The following DMRT1 variants were observed in gnomAD, a reference collection of about 807,000 sequenced individuals.
DMRT1 encodes doublesex- and mab-3-related transcription factor 1.
Under a neutral mutation model 32.3 loss-of-function variants are expected in DMRT1, and 7 were observed. The ratio of observed to expected loss-of-function variants is 0.22; its 90% CI spans 0.12 to 0.41. The LOEUF is 0.41. DMRT1 is among the 10% of genes least tolerant of loss of function. The pLI is 1.00. For synonymous variants in DMRT1, 278 were observed against 206.1 expected (o/e 1.35, Z -2.99); for missense variants, 625 against 500.5 (o/e 1.25, Z -2.37).
intron 2 of DMRT1, among the ~76,000 whole-genome samples, chr9:877,115 G>C (rs902086181): frequency 1.3e-5 from 2 of 152,202 alleles, no homozygotes; most frequent in African/African-American, 2.4e-5. Context: ...TCTGTGAAAG[G>C]CTATTGGATT....
intron 2 of DMRT1, among the ~76,000 whole-genome samples, chr9:879,166 A>G (rs1238880592): frequency 6.6e-6 from 1 of 152,222 alleles, no homozygotes; most frequent in Non-Finnish European, 1.5e-5. Flanking sequence ...AGGGGCTGTT[A>G]AGATGGAAGT....
At chr9:881,389 C>T (rs971774802) in intron 2 of DMRT1, among the ~76,000 whole-genome samples, 2 of 152,200 alleles carry the variant, frequency 1.3e-5, no homozygotes, top group Admixed American at 6.5e-5. Context: ...TAGAGGTCCA[C>T]TTACTCCTTC....
intron 4 of DMRT1, among the ~76,000 whole-genome samples, chr9:955,598 G>A (rs1351319455): frequency 2.0e-5 from 3 of 152,112 alleles, no homozygotes; most frequent in Admixed American, 1.3e-4. Context: ...CTCAGCTACT[G>A]GGGAGGCTGA....
intron 4 of DMRT1, among the ~76,000 whole-genome samples, chr9:924,072 T>C (rs972359944): frequency 1.1e-4 from 7 of 63,676 alleles, no homozygotes; most frequent in Non-Finnish European, 1.7e-4. Context: ...ATCAATCTCT[T>C]TTTTTTTTTT....
At chr9:949,018 G>A (rs1004208783) in intron 4 of DMRT1, among the ~76,000 whole-genome samples, 2 of 151,682 alleles carry the variant, frequency 1.3e-5, no homozygotes, top group Non-Finnish European at 2.9e-5. Context: ...ACTTGAATCC[G>A]GGAGGCAGAG....
intron 2 of DMRT1, among the ~76,000 whole-genome samples, chr9:886,813 T>C (rs2132639851): frequency 6.6e-6 from 1 of 152,296 alleles, no homozygotes; most frequent in East Asian, 1.9e-4. Context: ...GACACCCCAG[T>C]GTTGAAGCAA....
chr9:907,822 AAT>A (rs777107791), intron 3 of DMRT1, among the ~76,000 whole-genome samples: 15 of 82,554 alleles, frequency 1.8e-4, no homozygotes, highest in Non-Finnish European at 2.5e-4. Flanking sequence ...AGTTCTCTAA[AAT>A]ATATATGTGT....
rs768782300 is a variant in DMRT1, at chr9:841,950, C to G, written c.112C>G (p.Leu38Val). 4 of 1,598,866 alleles carry G rather than the reference C, an allele frequency of 2.5e-6. No homozygotes were observed. In the East Asian group the frequency reaches 9.0e-5, roughly 36 times the overall value. The change falls in exon 1 of 5, where the codon CTA becomes GTA. Residue 38 changes from leucine (L) to valine (V), a missense_variant. By Grantham distance (32) the Leu-to-Val change is conservative. Around this residue, in one of 3 missense-constraint regions of DMRT1, gnomAD observed 201 missense variants for 152.0 expected, o/e 1.32. Coordinates refer to ENST00000382276, the MANE Select transcript of DMRT1 (RefSeq NM_021951.3). The stretch of plus-strand genomic sequence containing the variant: ...GGGCTTTGGCAAAGCGTCTGGGGCG[C>G]TAGTGGGGGCGGCCAGCGGCTCGAG... ...AGGFGKASGA[L>V]VGAASGSSAG...
At chr9:939,968 C>T (rs1271130461) in intron 4 of DMRT1, among the ~76,000 whole-genome samples, 2 of 152,074 alleles carry the variant, frequency 1.3e-5, no homozygotes, top group Non-Finnish European at 2.9e-5. Context: ...AAATGCTCAA[C>T]ATCATTAGCC....
At chr9:860,699 T>A (rs1468969228) in intron 2 of DMRT1, among the ~76,000 whole-genome samples, 2 of 152,208 alleles carry the variant, frequency 1.3e-5, no homozygotes, top group African/African-American at 4.8e-5. Context: ...ATATGATGGA[T>A]GTGACCAAGG....
chr9:897,569 G>A (rs1197507604), intron 3 of DMRT1, among the ~76,000 whole-genome samples: 1 of 150,602 alleles, frequency 6.6e-6, no homozygotes, highest in Non-Finnish European at 1.5e-5. Flanking sequence ...TCCAGCCTGG[G>A]TAACAGAGCA....
chr9:872,829 A>T (rs1322371969), intron 2 of DMRT1, among the ~76,000 whole-genome samples: 2 of 152,208 alleles, frequency 1.3e-5, no homozygotes, highest in African/African-American at 2.4e-5. Context: ...TCTGTGTTTA[A>T]CATTTTGGGG....
In DMRT1 at chr9:869,864, A is replaced by T. The variant is rs368586704; in HGVS notation, c.538+22721A>T. On this transcript the variant is annotated intron_variant, in intron 2 of 4. Transcript: ENST00000382276. ...TAATGCAAGTCTGCATTGTGTCTCTATTTTGGCTTGTAATAAAGTCCTGTG... is the reference window on the plus strand; with the variant it reads ...TAATGCAAGTCTGCATTGTGTCTCTTTTTTGGCTTGTAATAAAGTCCTGTG... 8.6e-5 allele frequency among the ~76,000 whole-genome samples: 13 copies of T among 152,042 alleles called. 2 individuals are homozygous for T. Among genetic ancestry groups the T allele is most frequent in the Admixed American group, 5.9e-4 (9 of 15,262 alleles).
chr9:873,568 C>A (rs1353637727), intron 2 of DMRT1, among the ~76,000 whole-genome samples: 1 of 152,124 alleles, frequency 6.6e-6, no homozygotes, highest in Admixed American at 6.5e-5. Flanking sequence ...ATCCACCCGC[C>A]TTGGCCTCCC....
At chr9:948,091 T>A (rs1330456882) in intron 4 of DMRT1, among the ~76,000 whole-genome samples, 1 of 152,182 alleles carries the variant, frequency 6.6e-6, no homozygotes, top group Non-Finnish European at 1.5e-5. Flanking sequence ...ACTTATCTAC[T>A]CTGAAAACAC....
At chr9:964,027 G>A (rs898934220) in intron 4 of DMRT1, among the ~76,000 whole-genome samples, 3 of 152,174 alleles carry the variant, frequency 2.0e-5, no homozygotes, top group African/African-American at 7.2e-5. Flanking sequence ...GAGTTTAATA[G>A]TGTTTAACAT....
chr9:881,507 C>T (rs1310904579), intron 2 of DMRT1, among the ~76,000 whole-genome samples: 3 of 152,124 alleles, frequency 2.0e-5, no homozygotes, highest in African/African-American at 7.2e-5. Context: ...ATGGAGCTGA[C>T]CATGAGCAAA....
intron 2 of DMRT1, among the ~76,000 whole-genome samples, chr9:864,845 G>A (rs553845825): frequency 6.9e-6 from 1 of 144,980 alleles, no homozygotes; most frequent in African/African-American, 2.6e-5. Flanking sequence ...TTTTAGCTAT[G>A]AGTAGGTCTC....
intron 4 of DMRT1, among the ~76,000 whole-genome samples, chr9:932,039 T>C (rs1441029891): frequency 6.6e-6 from 1 of 152,146 alleles, no homozygotes; most frequent in Admixed American, 6.5e-5. Flanking sequence ...CAGGCCCTCA[T>C]CTGCAGATCG....
Sources: allele counts gnomAD v4.1 joint callset (sites outside exome capture counted in the v4.1 genomes callset), GRCh38; gene constraint gnomAD v4.1.1; regional missense constraint gnomAD v4.1.1; transcripts MANE v1.5; gene names NCBI Gene and HGNC (gene_info 2026-07-23, HGNC 2026-07-21).